The following CD209 variants were observed in gnomAD, a reference collection of about 807,000 sequenced individuals.
CD209 encodes the protein CD209 molecule.
CD209 carries 31 observed loss-of-function variants against 44.7 expected under a neutral mutation model. The ratio of observed to expected loss-of-function variants is 0.69; its 90% CI spans 0.52 to 0.94. The LOEUF is 0.94. Among genes scored for constraint, CD209 ranks in the 40% least tolerant of loss-of-function variants. The pLI is 0.00. For synonymous variants in CD209, 173 were observed against 181.3 expected (o/e 0.95, Z 0.37); for missense variants, 407 against 452.4 (o/e 0.90, Z 0.91).
Position 7,741,636 on chromosome 19 carries a change from C to G in CD209, c.*1403G>C. On this transcript the variant is annotated 3_prime_UTR_variant, in exon 7 of 7. Transcript: ENST00000315599. ...GCCAAGCAGCTCTTTCTCTGTTTAA[C>G]GGACGATGGTATGTACGCAGGACGA... is the stretch of plus-strand genomic sequence containing the variant. The G allele has an allele frequency of 1.1e-6, 1 of 893,696 alleles. No homozygotes were observed. The highest frequency in any genetic ancestry group is 3.5e-5 in the East Asian group (1 of 28,684). 55.4% of individuals were successfully genotyped at this position (893,696 alleles called of 1,614,324 possible). A position where few individuals can be genotyped will look rare whatever the true frequency, so the allele number is the denominator to read the frequency against.
In CD209 at chr19:7,745,898, A is replaced by T. The variant is rs752852796; in HGVS notation, c.368T>A (p.Ile123Asn). ...CTTCAGCCGGGTCAGCTCCTGGTAGATCTCCTGCAGCTTAGATTTCTCTGG... is the reference window on the plus strand; with the variant it reads ...CTTCAGCCGGGTCAGCTCCTGGTAGTTCTCCTGCAGCTTAGATTTCTCTGG... ...ELPEKSKLQE[I>N]YQELTRLKAA... The change falls in exon 4 of 7, where the codon ATC becomes AAC. Residue 123 changes from isoleucine to asparagine, a missense_variant. Physicochemically the swap from Ile to Asn is moderately radical, Grantham distance 149. Coordinates refer to ENST00000315599, the MANE Select transcript of CD209 (RefSeq NM_021155.4). The T allele has an allele frequency of 2.5e-6, 4 of 1,612,778 alleles. No individual in the cohort carries two copies. The East Asian group carries it at 8.9e-5, about 36-fold the overall frequency.
At chr19:7,746,256 G>A (rs1333837390) in intron 3 of CD209, among the ~76,000 whole-genome samples, 169 bp from the exon 4 acceptor site, 4 of 152,124 alleles carry the variant, frequency 2.6e-5, no homozygotes, top group Non-Finnish European at 5.9e-5. Flanking sequence ...GCCAAGGAGA[G>A]CCAGATTCTT....
In CD209 at chr19:7,741,304, T is replaced by C; in HGVS notation, c.*1735A>G. The C allele has an allele frequency of 2.5e-6, 1 of 392,620 alleles. No individual in the cohort carries two copies. Among genetic ancestry groups the C allele is most frequent in the Non-Finnish European group, 4.7e-6 (1 of 213,192 alleles). The allele number at this position is 392,620 out of a possible 1,614,324, so 24.3% of individuals were successfully genotyped here. On this transcript the variant is annotated 3_prime_UTR_variant, in exon 7 of 7. Coordinates refer to ENST00000315599, the MANE Select transcript of CD209 (RefSeq NM_021155.4). Reference sequence around the variant, plus strand: ...GGTCAACATGTTGAAACCCCGTCTCTACCAAAAATACAAGAATTAGCTGGG... The same window carrying C: ...GGTCAACATGTTGAAACCCCGTCTCCACCAAAAATACAAGAATTAGCTGGG...
At chr19:7,746,379 C>G in intron 3 of CD209, 81 bp downstream of exon 3, 1 of 1,491,210 alleles carries the variant, frequency 6.7e-7, no homozygotes, top group East Asian at 2.3e-5. Flanking sequence ...CCACCTCCCT[C>G]CCAGATCTGG....
At position 7,744,178 on chromosome 19, in the gene CD209, G is replaced by A; in HGVS notation, c.942C>T (p.Thr314=). The change falls in exon 6 of 7, where the codon ACC becomes ACT. Residue 314 remains threonine (T), a synonymous_variant. Transcript: ENST00000315599. ...GATTTAGATCTGAAAGTCCCATCCAGGTGAAGCGGTTACTTCTGGAAGACT... is the reference window on the plus strand; with the variant it reads ...GATTTAGATCTGAAAGTCCCATCCAAGTGAAGCGGTTACTTCTGGAAGACT... The part of the protein sequence containing the change: ...QLQSSRSNRF[T]WMGLSDLNQE... The A allele has an allele frequency of 6.2e-7, 1 of 1,614,192 alleles. No homozygotes were observed. The highest frequency in any genetic ancestry group is 1.1e-5 in the South Asian group (1 of 91,088).
chr19:7,744,121 T>A lies in CD209; in HGVS notation c.999A>T (p.Ser333=). The A allele has an allele frequency of 6.2e-7, 1 of 1,613,618 alleles. No individual in the cohort carries two copies. Among genetic ancestry groups the A allele is most frequent in the Non-Finnish European group, 8.5e-7 (1 of 1,179,558 alleles). The change falls in exon 6 of 7, where the codon TCA becomes TCT. Residue 333 remains serine, a synonymous_variant. Transcript: ENST00000315599. ...QEGTWQWVDG[S]PLLPSFKQYW... ...CTGAGATCTACCTGGGCAACAGAGGTGAGCCGTCCACCCATTGCCACGTGC... is the reference window on the plus strand; with the variant it reads ...CTGAGATCTACCTGGGCAACAGAGGAGAGCCGTCCACCCATTGCCACGTGC...
intron 5 of CD209, 142 bp downstream of exon 5, chr19:7,744,799 G>T: frequency 1.7e-6 from 2 of 1,178,884 alleles, no homozygotes; most frequent in Non-Finnish European, 2.4e-6. Flanking sequence ...GGGTACTTGA[G>T]ACTCCCTCAT....
rs2033628721 is a variant in CD209, at chr19:7,741,942, A to G, written c.*1097T>C. The G allele has an allele frequency of 2.5e-6, 1 of 397,296 alleles. No homozygotes were observed. Among genetic ancestry groups the G allele is most frequent in the Admixed American group, 3.5e-5 (1 of 28,232 alleles). 24.6% of individuals were successfully genotyped at this position (397,296 alleles called of 1,614,324 possible). ...TCCGAAAGGAAAAGGAAGAAATCTC[A>G]CTAGCACATGTCAAAGAGCCAGGAG... On this transcript the variant is annotated 3_prime_UTR_variant, in exon 7 of 7. Coordinates refer to ENST00000315599, the MANE Select transcript of CD209 (RefSeq NM_021155.4).
intron 2 of CD209, 116 bp downstream of exon 2, chr19:7,747,190 G>C (rs2033867795): frequency 9.5e-7 from 1 of 1,056,556 alleles, no homozygotes; most frequent in Non-Finnish European, 1.4e-6. Flanking sequence ...AGGAGTCCAG[G>C]CCCCTAGCCC....
Position 7,740,443 on chromosome 19 carries a change from G to C in CD209, c.*2596C>G. 1.4e-6 allele frequency: 1 copy of C among 717,250 alleles called. No individual in the cohort carries two copies. Among genetic ancestry groups the C allele is most frequent in the Admixed American group, 2.1e-5 (1 of 46,898 alleles). The allele number at this position is 717,250 out of a possible 1,614,324, so 44.4% of individuals were successfully genotyped here. A position where few individuals can be genotyped will look rare whatever the true frequency, so the allele number is the denominator to read the frequency against. ...TAAAGGATACAACTAGAGGGGCGGG[G>C]CGGTGCCGGCAAGATGGCTGCGCCC... On this transcript the variant is annotated 3_prime_UTR_variant, in exon 7 of 7. Transcript: ENST00000315599.
Position 7,740,469 on chromosome 19 carries a change from G to A in CD209, c.*2570C>T, listed in dbSNP as rs11465418. 1.9e-5 allele frequency: 16 copies of A among 848,924 alleles called. No homozygotes were observed. The highest frequency in any genetic ancestry group is 5.6e-5 in the Admixed American group (3 of 53,300). The allele number at this position is 848,924 out of a possible 1,614,324, so 52.6% of individuals were successfully genotyped here. ...CGGTGCCGGCAAGATGGCTGCGCCC[G>A]AAAAGGTGACATTTCCAGAGAAACC... On this transcript the variant is annotated 3_prime_UTR_variant, in exon 7 of 7. Coordinates refer to ENST00000315599, the MANE Select transcript of CD209 (RefSeq NM_021155.4).
chr19:7,741,867 C>T lies in CD209; in HGVS notation c.*1172G>A, dbSNP rs1239954152. 7 of 464,330 alleles carry T rather than the reference C, an allele frequency of 1.5e-5. No individual in the cohort carries two copies. In the East Asian group the frequency reaches 2.6e-4, roughly 17 times the overall value. 28.8% of individuals were successfully genotyped at this position (464,330 alleles called of 1,614,324 possible). ...CCACCACGATGAATACTACAGGCTG[C>T]GGGGAAGGAGAACCCTAGTCCAGAC... On this transcript the variant is annotated 3_prime_UTR_variant, in exon 7 of 7. Transcript: ENST00000315599.
chr19:7,746,683 A>T, intron 2 of CD209, 152 bp from the exon 3 acceptor site: 1 of 723,496 alleles, frequency 1.4e-6, no homozygotes, highest in Non-Finnish European at 2.3e-6. Context: ...CCCTAGCTCT[A>T]ACCTCCCCAG....
intron 2 of CD209, among the ~76,000 whole-genome samples, chr19:7,746,826 G>A (rs1350639492): frequency 3.6e-5 from 5 of 139,998 alleles, no homozygotes; most frequent in African/African-American, 1.3e-4. Flanking sequence ...CAGGCCCCCA[G>A]CTCCCACCTC....
Position 7,740,786 on chromosome 19 carries a change from G to C in CD209, c.*2253C>G. On this transcript the variant is annotated 3_prime_UTR_variant, in exon 7 of 7. Transcript: ENST00000315599. ...TAAAGGAACAATGGGAAGAACAGCA[G>C]AGGAAAGAGAGAGAGGAGGAGGAAC... 1 of 761,978 alleles carries C rather than the reference G, an allele frequency of 1.3e-6. No individual in the cohort carries two copies. Among genetic ancestry groups the C allele is most frequent in the Non-Finnish European group, 2.5e-6 (1 of 407,580 alleles). 47.2% of individuals were successfully genotyped at this position (761,978 alleles called of 1,614,324 possible).
Position 7,741,157 on chromosome 19 carries a change from G to T in CD209, c.*1882C>A. The T allele has an allele frequency of 9.6e-7, 1 of 1,046,716 alleles. No individual in the cohort carries two copies. Among genetic ancestry groups the T allele is most frequent in the South Asian group, 1.6e-5 (1 of 63,788 alleles). 64.8% of individuals were successfully genotyped at this position (1,046,716 alleles called of 1,614,324 possible). A position where few individuals can be genotyped will look rare whatever the true frequency, so the allele number is the denominator to read the frequency against. On this transcript the variant is annotated 3_prime_UTR_variant, in exon 7 of 7. Coordinates refer to ENST00000315599, the MANE Select transcript of CD209 (RefSeq NM_021155.4). ...CCAACAGTTCCTAGATTTCTGTGAG[G>T]ATGTGCTGCCCGAGTTCAAGAACGT...
chr19:7,745,371 G>C (rs1270504903), intron 4 of CD209, 147 bp downstream of exon 4: 1 of 1,481,952 alleles, frequency 6.7e-7, no homozygotes, highest in Non-Finnish European at 9.1e-7. Flanking sequence ...CTGGCCCACT[G>C]TGAACACTGA....
At chr19:7,743,892 G>T (rs1020467920) in intron 6 of CD209, among the ~76,000 whole-genome samples, 5 of 142,846 alleles carry the variant, frequency 3.5e-5, no homozygotes, top group African/African-American at 6.1e-5. Flanking sequence ...ACACCTCCCC[G>T]GTGGCAGGCT....
At chr19:7,745,209 G>C in intron 4 of CD209, 117 bp from the exon 5 acceptor site, 2 of 1,372,422 alleles carry the variant, frequency 1.5e-6, no homozygotes, top group South Asian at 2.7e-5. Context: ...ACGCCGGGTA[G>C]ACCATTCCCC....
Sources: allele counts gnomAD v4.1 joint callset (sites outside exome capture counted in the v4.1 genomes callset), GRCh38; gene constraint gnomAD v4.1.1; transcripts MANE v1.5; gene names NCBI Gene and HGNC (gene_info 2026-07-23, HGNC 2026-07-21).